The following DDIT3 variants were observed in gnomAD, a reference collection of about 807,000 sequenced individuals.
DDIT3 encodes DNA damage inducible transcript 3.
In DDIT3, 14 loss-of-function variants were observed where a neutral mutation model predicts 17.6. The observed-to-expected ratio is 0.80, with a 90% confidence interval of 0.53 to 1.25. DDIT3 has a LOEUF of 1.25. Among genes scored for constraint, DDIT3 ranks in the 50% most tolerant of loss-of-function variants. The probability of loss-of-function intolerance (pLI) is 0.00; values close to 1 mark genes in which losing one functional copy is unlikely to be tolerated. For synonymous variants in DDIT3, 93 were observed against 76.5 expected, an observed-to-expected ratio of 1.22 and a Z score of -1.13; for missense variants, 216 against 202.7, an observed-to-expected ratio of 1.07 and a Z score of -0.40.
chr12:57,516,903 T>A lies in DDIT3; in HGVS notation c.416A>T (p.Glu139Val). The change falls in exon 4 of 4, where the codon GAA (glutamate) becomes GTA (valine). Residue 139 changes from glutamate to valine, a missense_variant. Glu to Val is a moderately radical substitution (Grantham distance 121). Transcript: ENST00000346473. ...RKVAQLAEENERLKQEIERLT... is the reference protein window; with the variant it reads ...RKVAQLAEENVRLKQEIERLT... ...GCGCTCGATTTCCTGCTTGAGCCGT[T>A]CATTCTCTTCAGCTAGCTGTGCCAC... The A allele has an allele frequency of 1.2e-6, 2 of 1,614,122 alleles. No homozygotes were observed. Among genetic ancestry groups the A allele is most frequent in the Non-Finnish European group, 1.7e-6 (2 of 1,180,038 alleles).
chr12:57,518,514 G>A (rs911122505), intron 1 of DDIT3, among the ~76,000 whole-genome samples: 15 of 152,152 alleles, frequency 9.9e-5, no homozygotes, highest in Non-Finnish European at 2.1e-4. Context: ...CTAAGACTAT[G>A]TGCAAAGGCA....
rs1878122692 is a variant in DDIT3, at chr12:57,519,402, A to G, written c.-81+1016T>C. 3 of 367,334 alleles carry G rather than the reference A, an allele frequency of 8.2e-6. No homozygotes were observed. In the Admixed American group the frequency reaches 1.1e-4, roughly 13 times the overall value. 22.8% of individuals were successfully genotyped at this position (367,334 alleles called of 1,614,324 possible). A position where few individuals can be genotyped will look rare whatever the true frequency, so the allele number is the denominator to read the frequency against. On this transcript the variant is annotated intron_variant, in intron 1 of 3. Transcript: ENST00000346473. Reference sequence around the variant, plus strand: ...TGAGATGATTTTTTCCTCTTGCTCAAGGATGTACCCTGAGCCCCAAACTGT... The same window carrying G: ...TGAGATGATTTTTTCCTCTTGCTCAGGGATGTACCCTGAGCCCCAAACTGT...
chr12:57,517,545 G>T, intron 2 of DDIT3, 107 bp from the exon 3 acceptor site: 1 of 1,159,430 alleles, frequency 8.6e-7, no homozygotes, highest in Non-Finnish European at 1.3e-6. Context: ...AAGTTGTACT[G>T]GAATACAGCC....
In DDIT3 at chr12:57,516,778, G is replaced by T; in HGVS notation, c.*31C>A. ...ACTTCTGGGAAAGGTGGGTAGTGTG[G>T]CCCAAGTGGGGGACTGATGCTCCCA... On this transcript the variant is annotated 3_prime_UTR_variant, in exon 4 of 4. Transcript: ENST00000346473. 6.3e-7 allele frequency: 1 copy of T among 1,596,766 alleles called. No homozygotes were observed. Among genetic ancestry groups the T allele is most frequent in the Non-Finnish European group, 8.5e-7 (1 of 1,173,292 alleles).
In DDIT3 at chr12:57,520,411, T is replaced by C; in HGVS notation, c.-81+7A>G. Reference sequence around the variant, plus strand: ...AGGGTAAAAGGTAGATGGGAATCAGTACTCGCCTCTCTCCTCAGGTTCCAG... The same window carrying C: ...AGGGTAAAAGGTAGATGGGAATCAGCACTCGCCTCTCTCCTCAGGTTCCAG... On this transcript the variant is annotated splice_region_variant and intron_variant, in intron 1 of 3. Coordinates refer to ENST00000346473, the MANE Select transcript of DDIT3 (RefSeq NM_004083.6). The C allele has an allele frequency of 2.5e-6, 1 of 398,528 alleles. No individual in the cohort carries two copies. The highest frequency in any genetic ancestry group is 2.1e-5 in the African/African-American group (1 of 48,616). The allele number at this position is 398,528 out of a possible 1,614,324, so 24.7% of individuals were successfully genotyped here. A position where few individuals can be genotyped will look rare whatever the true frequency, so the allele number is the denominator to read the frequency against.
chr12:57,517,304 C>A lies in DDIT3; in HGVS notation c.103G>T (p.Gly35Trp). The stretch of plus-strand genomic sequence containing the variant: ...CCAGGAGGTGAAACATAGGTACCCC[C>A]ATTTTCATCTGAAGACAGGACCTCT... ...LQEVLSSDENGGTYVSPPGNE... is the reference protein window; with the variant it reads ...LQEVLSSDENWGTYVSPPGNE... The change falls in exon 3 of 4, where the codon GGG becomes TGG. Residue 35 changes from glycine to tryptophan, a missense_variant. Physicochemically the swap from Gly to Trp is radical, Grantham distance 184 (BLOSUM62 -2). Transcript: ENST00000346473. 6.2e-7 allele frequency: 1 copy of A among 1,614,126 alleles called. No homozygotes were observed. The highest frequency in any genetic ancestry group is 1.1e-5 in the South Asian group (1 of 91,052).
Position 57,520,493 on chromosome 12 carries a change from G to A in DDIT3, c.-156C>T, listed in dbSNP as rs1359978488. 7 of 398,534 alleles carry A rather than the reference G, an allele frequency of 1.8e-5. No individual in the cohort carries two copies. The highest frequency in any genetic ancestry group is 4.4e-5 in the Admixed American group (1 of 22,718). 24.7% of individuals were successfully genotyped at this position (398,534 alleles called of 1,614,324 possible). On this transcript the variant is annotated 5_prime_UTR_variant, in exon 1 of 4. Transcript: ENST00000346473. ...TCATCTTTAACATGATACGCTCAGT[G>A]CCTTAGACTTAAGTCTCTGACCTCG... is the stretch of plus-strand genomic sequence containing the variant.
intron 2 of DDIT3, 65 bp from the exon 3 acceptor site, chr12:57,517,503 G>A: frequency 3.2e-6 from 5 of 1,573,070 alleles, no homozygotes; most frequent in Non-Finnish European, 4.3e-6. Context: ...CCACAAGTTG[G>A]CAAGCTGGTC....
At chr12:57,519,667 C>A (rs1010383689) in intron 1 of DDIT3, among the ~76,000 whole-genome samples, 1 of 152,246 alleles carries the variant, frequency 6.6e-6, no homozygotes, top group Non-Finnish European at 1.5e-5. Context: ...CAGAAGGCTG[C>A]AGAGCCAAAC....
At chr12:57,520,244 G>A (rs1327238520) in intron 1 of DDIT3, among the ~76,000 whole-genome samples, 174 bp downstream of exon 1, 4 of 152,182 alleles carry the variant, frequency 2.6e-5, no homozygotes, top group Non-Finnish European at 5.9e-5. Context: ...GAGAGACGCC[G>A]TCGTCCGAAG....
intron 1 of DDIT3, among the ~76,000 whole-genome samples, chr12:57,518,212 G>A (rs528556139): frequency 1.1e-4 from 17 of 151,998 alleles, no homozygotes; most frequent in Non-Finnish European, 2.1e-4. Context: ...ATTTCGAAGG[G>A]CAGAAGAGGG....
Position 57,516,882 on chromosome 12 carries a change from T to C in DDIT3, c.437A>G (p.Glu146Gly). 3.7e-6 allele frequency: 6 copies of C among 1,613,924 alleles called. No individual in the cohort carries two copies. The South Asian group carries it at 6.6e-5, about 18-fold the overall frequency. Residue 146 changes from glutamate to glycine, a missense_variant, in exon 4 of 4, where the codon GAG becomes GGG. Transcript: ENST00000346473. ...EENERLKQEI[E>G]RLTREVEATR... ...CGCCTCTACTTCCCTGGTCAGGCGC[T>C]CGATTTCCTGCTTGAGCCGTTCATT...
chr12:57,520,487 C>T lies in DDIT3; in HGVS notation c.-150G>A, dbSNP rs538937263. Reference sequence around the variant, plus strand: ...ACCCGCTCATCTTTAACATGATACGCTCAGTGCCTTAGACTTAAGTCTCTG... The same window carrying T: ...ACCCGCTCATCTTTAACATGATACGTTCAGTGCCTTAGACTTAAGTCTCTG... On this transcript the variant is annotated 5_prime_UTR_variant, in exon 1 of 4. Transcript: ENST00000346473. The T allele has an allele frequency of 2.5e-6, 1 of 398,678 alleles. No homozygotes were observed. The highest frequency in any genetic ancestry group is 4.4e-6 in the Non-Finnish European group (1 of 226,100). The allele number at this position is 398,678 out of a possible 1,614,324, so 24.7% of individuals were successfully genotyped here.
At position 57,517,275 on chromosome 12, in the gene DDIT3, A is replaced by G; in HGVS notation, c.132T>C (p.Asn44=). 6.2e-7 allele frequency: 1 copy of G among 1,614,100 alleles called. No individual in the cohort carries two copies. The highest frequency in any genetic ancestry group is 8.5e-7 in the Non-Finnish European group (1 of 1,179,988). Residue 44 remains asparagine, a synonymous_variant, in exon 3 of 4, where the codon AAT becomes AAC. Transcript: ENST00000346473. ...TTAGGGCTAACATTCTTACCTCTTC[A>G]TTTCCAGGAGGTGAAACATAGGTAC... ...NGGTYVSPPG[N]EEEESKIFTT... is the part of the protein sequence containing the mutation.
At position 57,517,251 on chromosome 12, in the gene DDIT3, T is replaced by C. The variant is rs201219216; in HGVS notation, c.138+18A>G. 1.4e-5 allele frequency: 22 copies of C among 1,613,910 alleles called. No individual in the cohort carries two copies. The African/African-American group carries it at 2.7e-4, about 20-fold the overall frequency. On this transcript the variant is annotated intron_variant, in intron 3 of 3. Transcript: ENST00000346473. ...GAAAGGTAACATCCCCCTTTAGCTT[T>C]AGGGCTAACATTCTTACCTCTTCAT... is the stretch of plus-strand genomic sequence containing the variant.
At chr12:57,518,745 G>A (rs942590553) in intron 1 of DDIT3, among the ~76,000 whole-genome samples, 1 of 152,106 alleles carries the variant, frequency 6.6e-6, no homozygotes, top group Non-Finnish European at 1.5e-5. Context: ...TGCAACCTCC[G>A]CCTGCTGGGT....
At position 57,517,203 on chromosome 12, in the gene DDIT3, A is replaced by T. The variant is rs1877928801; in HGVS notation, c.139-23T>A. ...TTCCTTCAAGGAAATGAGGAAAGGG[A>T]ACATAGATATTAGTTGAGAAGGGAA... is the stretch of plus-strand genomic sequence containing the variant. On this transcript the variant is annotated intron_variant, in intron 3 of 3. Transcript: ENST00000346473. 4.3e-6 allele frequency: 7 copies of T among 1,610,292 alleles called. No homozygotes were observed. In the East Asian group the frequency reaches 1.6e-4, roughly 36 times the overall value.
intron 1 of DDIT3, chr12:57,519,266 T>C (rs1236415075): frequency 1.9e-6 from 1 of 523,548 alleles, no homozygotes. Context: ...CTAAGGTAAT[T>C]CCTGACCACC....
intron 1 of DDIT3, among the ~76,000 whole-genome samples, chr12:57,520,106 C>G (rs1211555830): frequency 1.3e-5 from 2 of 152,206 alleles, no homozygotes; most frequent in Non-Finnish European, 2.9e-5. Context: ...GACCTGCCTC[C>G]CCGCGGACAG....
Sources: allele counts gnomAD v4.1 joint callset (sites outside exome capture counted in the v4.1 genomes callset), GRCh38; gene constraint gnomAD v4.1.1; transcripts MANE v1.5; gene names NCBI Gene and HGNC (gene_info 2026-07-23, HGNC 2026-07-21).